Variants in TMPRSS9 observed in about 807,000 individuals in gnomAD.
The protein encoded by TMPRSS9 is transmembrane protease serine 9.
Under a neutral mutation model 111.4 loss-of-function variants are expected in TMPRSS9, and 113 were observed. The ratio of observed to expected loss-of-function variants is 1.01; its 90% CI spans 0.87 to 1.19. The LOEUF (loss-of-function observed/expected upper bound fraction) is 1.19, where lower values mean the gene tolerates loss of function less well. Among genes scored for constraint, TMPRSS9 ranks in the 50% most tolerant of loss-of-function variants. TMPRSS9 has a pLI of 0.00. For missense variants in TMPRSS9, 1,803 were observed against 1,513.1 expected, an observed-to-expected ratio of 1.19 and a Z score of -3.18; for synonymous variants, 805 against 659.1, an observed-to-expected ratio of 1.22 and a Z score of -3.39.
chr19:2,396,508 G>GCT, intron 1 of TMPRSS9, 31 bp from the exon 3 acceptor site: 1 of 1,565,318 alleles, frequency 6.4e-7, no homozygotes, highest in Non-Finnish European at 8.7e-7. Context: ...CCAAAGGTGG[G>GCT]CTCTCTCACG....
At chr19:2,401,676 C>G (rs1014199474) in intron 4 of TMPRSS9, among the ~76,000 whole-genome samples, 1 of 150,630 alleles carries the variant, frequency 6.6e-6, no homozygotes, top group African/African-American at 2.4e-5. Context: ...GGTGTGATCT[C>G]GGCTCACTGC....
chr19:2,367,010 G>A (rs746477195), intron 1 of TMPRSS9, among the ~76,000 whole-genome samples: 192 of 152,182 alleles, frequency 1.3e-3, no homozygotes, highest in Non-Finnish European at 1.0e-3. Flanking sequence ...AGTGCTGCTC[G>A]AGCATCCTGA....
At chr19:2,426,088 AC>A in exon 18 of TMPRSS9, 1 of 1,578,780 alleles carries the variant, frequency 6.3e-7, no homozygotes, top group Non-Finnish European at 8.6e-7. Flanking sequence ...TCCAGGAGTG[AC>A]CACCACGTGA....
chr19:2,399,043 C>G (rs775361858), exon 4 of TMPRSS9: 3 of 1,612,684 alleles, frequency 1.9e-6, no homozygotes, highest in African/African-American at 2.7e-5. Context: ...TGTCCTCGTA[C>G]ATTTCCAGCT....
At chr19:2,391,261 T>TAAAAAAAAAAAAAAA (rs1555677770) in intron 1 of TMPRSS9, among the ~76,000 whole-genome samples, 9 of 75,172 alleles carry the variant, frequency 1.2e-4, no homozygotes, top group African/African-American at 5.1e-4. Flanking sequence ...AAAAAAAAAG[T>TAAAAAAAAAAAAAAA]TAATTTTAAC....
intron 1 of TMPRSS9, among the ~76,000 whole-genome samples, chr19:2,381,726 C>G (rs1051421782): frequency 6.6e-6 from 1 of 152,182 alleles, no homozygotes; most frequent in Non-Finnish European, 1.5e-5. Flanking sequence ...ACACGTTCCC[C>G]TGAGGAGGGA....
intron 1 of TMPRSS9, 147 bp from the exon 3 acceptor site, chr19:2,396,392 A>G (rs2145303638): frequency 1.1e-6 from 1 of 934,176 alleles, no homozygotes; most frequent in East Asian, 2.9e-5. Flanking sequence ...ATTCAGGGCT[A>G]TCACGGGGGC....
Position 2,424,184 on chromosome 19 carries a change from CGCCGGGAACACCGTTGCGGG to C in TMPRSS9, c.2649_2668del (p.Glu884AlafsTer152). 1 of 1,461,146 alleles carries C rather than the reference CGCCGGGAACACCGTTGCGGG, an allele frequency of 6.8e-7. No homozygotes were observed. Among genetic ancestry groups the C allele is most frequent in the Non-Finnish European group, 9.1e-7 (1 of 1,101,936 alleles). 90.5% of individuals were successfully genotyped at this position (1,461,146 alleles called of 1,614,324 possible). A position where few individuals can be genotyped will look rare whatever the true frequency, so the allele number is the denominator to read the frequency against. On this transcript the variant is annotated frameshift_variant, in exon 15 of 18. Coordinates refer to ENST00000648592, the Ensembl canonical transcript of TMPRSS9. LOFTEE classifies it high-confidence loss of function. ...GTGGCAGGTGAGCCTGTGGCTGCGG[CGCCGGGAACACCGTTGCGGG>C]GCCGTGCTGGTGGCAGAGAGGTGGC...
At chr19:2,379,718 C>G (rs1970371280) in intron 1 of TMPRSS9, among the ~76,000 whole-genome samples, 1 of 145,318 alleles carries the variant, frequency 6.9e-6, no homozygotes, top group African/African-American at 2.6e-5. Flanking sequence ...CTCTCCCTTC[C>G]TCTTTTTCTC....
At chr19:2,418,252 CTCCTTCCCTCCTTGTCCTTCCCTCCTTT>C in intron 13 of TMPRSS9, 114 bp downstream of exon 14, 13 of 1,086,278 alleles carry the variant, frequency 1.2e-5, no homozygotes, top group Admixed American at 6.9e-5. Context: ...CCTTCCCCCC[CTCCTTCCCTCCTTGTCCTTCCCTCCTTT>C]TCCTTTCCTC....
At chr19:2,368,954 C>CT (rs35992012) in intron 1 of TMPRSS9, among the ~76,000 whole-genome samples, 32,517 of 135,950 alleles carry the variant, frequency 0.24, 4,204 homozygotes, top group Middle Eastern at 0.38. Context: ...CCGGCTAATT[C>CT]TTTTTTTTTT....
intron 1 of TMPRSS9, among the ~76,000 whole-genome samples, chr19:2,384,387 G>A (rs1031220773): frequency 6.6e-6 from 1 of 152,182 alleles, no homozygotes; most frequent in Non-Finnish European, 1.5e-5. Context: ...AAGAATGTAA[G>A]CTAGAGAACC....
chr19:2,418,013 G>T lies in TMPRSS9; in HGVS notation c.2029G>T (p.Glu677Ter). 2 of 1,611,498 alleles carry T rather than the reference G, an allele frequency of 1.2e-6. No individual in the cohort carries two copies. Among genetic ancestry groups the T allele is most frequent in the Non-Finnish European group, 1.7e-6 (2 of 1,179,544 alleles). ...TCTTTCCCTGGTAGCCACCAAGCCC[G>T]AGCTCCTGCAGAAGGCGTCCGTGGG... The change falls in exon 13 of 18, where the codon GAG becomes TAG. Residue 677 changes from glutamate (E) to a stop codon, truncating the protein, a stop_gained. Coordinates refer to ENST00000648592, the Ensembl canonical transcript of TMPRSS9. LOFTEE classifies it high-confidence loss of function.
intron 1 of TMPRSS9, among the ~76,000 whole-genome samples, chr19:2,379,636 T>TCTTTCTTTCTTTCTTTCTTC (rs1970368344): frequency 6.8e-6 from 1 of 147,020 alleles, no homozygotes; most frequent in Non-Finnish European, 1.5e-5. Flanking sequence ...TTTCTTTCTT[T>TCTTTCTTTCTTTCTTTCTTC]CTTTCTTTCT....
chr19:2,389,910 C>T, exon 1 of TMPRSS9: 2 of 1,609,892 alleles, frequency 1.2e-6, no homozygotes, highest in Non-Finnish European at 1.7e-6. Flanking sequence ...GTCGTCCTCA[C>T]CCTGGGAGTC....
intron 13 of TMPRSS9, among the ~76,000 whole-genome samples, chr19:2,421,422 G>A (rs1435608949): frequency 3.3e-5 from 5 of 151,568 alleles, no homozygotes; most frequent in African/African-American, 2.4e-5. Flanking sequence ...CCTAGTAGGT[G>A]GAACTACAGG....
intron 8 of TMPRSS9, 58 bp from the exon 10 acceptor site, chr19:2,410,200 A>G: frequency 1.2e-6 from 2 of 1,601,996 alleles, no homozygotes; most frequent in South Asian, 2.2e-5. Context: ...CTCCCAGCTC[A>G]AAGTGGCTGC....
chr19:2,420,130 C>T (rs1971429042), intron 13 of TMPRSS9, among the ~76,000 whole-genome samples: 1 of 151,682 alleles, frequency 6.6e-6, no homozygotes, highest in Non-Finnish European at 1.5e-5. Context: ...CAGCTGCACT[C>T]CATCCTGGGC....
chr19:2,403,145 A>T, exon 6 of TMPRSS9: 1 of 1,612,526 alleles, frequency 6.2e-7, no homozygotes. Flanking sequence ...GTGAACCCGG[A>T]GTGTGACGAC....
Sources: gnomAD v4.1 joint callset for allele counts (sites outside exome capture counted in the v4.1 genomes callset) on GRCh38, gnomAD v4.1.1 for gene constraint, MANE v1.5 for transcripts, NCBI Gene and HGNC (gene_info 2026-07-23, HGNC 2026-07-21) for gene names.